ARHGAP15: variants seen among roughly 807,000 people sequenced by gnomAD.
ARHGAP15 encodes rho GTPase-activating protein 15.
ARHGAP15 carries 51 observed loss-of-function variants against 63.7 expected under a neutral mutation model. The ratio of observed to expected loss-of-function variants is 0.80; its 90% CI spans 0.64 to 1.01. The LOEUF is 1.01. ARHGAP15 is among the 50% of genes least tolerant of loss of function. The pLI is 0.00. For synonymous variants in ARHGAP15, 191 were observed against 193.8 expected (o/e 0.99, Z 0.12); for missense variants, 560 against 564.6 (o/e 0.99, Z 0.08).
At chr2:143,247,973 A>G (rs1020779305) in intron 5 of ARHGAP15, among the ~76,000 whole-genome samples, 27 of 152,248 alleles carry the variant, frequency 1.8e-4, no homozygotes, top group African/African-American at 5.3e-4. Context: ...TTCAGCAAAT[A>G]TTCATTGAAC....
chr2:143,166,968 A>G (rs982890506), intron 2 of ARHGAP15, among the ~76,000 whole-genome samples: 1 of 151,940 alleles, frequency 6.6e-6, no homozygotes, highest in African/African-American at 2.4e-5. Flanking sequence ...TCTTTTTTGA[A>G]TTTATGATAA....
chr2:143,230,294 T>C (rs143221069), intron 5 of ARHGAP15, among the ~76,000 whole-genome samples: 2 of 152,260 alleles, frequency 1.3e-5, no homozygotes, highest in Non-Finnish European at 2.9e-5. Flanking sequence ...AAGCATTTGG[T>C]TTATTTTTAT....
chr2:143,185,140 G>T (rs895114511), intron 2 of ARHGAP15, among the ~76,000 whole-genome samples: 2 of 152,106 alleles, frequency 1.3e-5, no homozygotes, highest in Non-Finnish European at 2.9e-5. Context: ...TTTGAAAAAT[G>T]AAATGAAACA....
At chr2:143,144,936 T>A in intron 1 of ARHGAP15, among the ~76,000 whole-genome samples, 1 of 152,044 alleles carries the variant, frequency 6.6e-6, no homozygotes, top group East Asian at 1.9e-4. Flanking sequence ...TAAAAATAAC[T>A]TTTTACAAAA....
At chr2:143,231,970 T>C (rs140128872) in intron 5 of ARHGAP15, among the ~76,000 whole-genome samples, 1 of 152,304 alleles carries the variant, frequency 6.6e-6, no homozygotes, top group African/African-American at 2.4e-5. Flanking sequence ...CCCTACCTCC[T>C]AATGGCATCA....
chr2:143,235,586 T>C (rs770534610), intron 5 of ARHGAP15, among the ~76,000 whole-genome samples: 8 of 152,216 alleles, frequency 5.3e-5, no homozygotes, highest in Non-Finnish European at 1.0e-4. Context: ...GCTATTGTTT[T>C]AACAAACATA....
At chr2:143,395,653 T>C (rs1371312312) in intron 6 of ARHGAP15, among the ~76,000 whole-genome samples, 5 of 152,026 alleles carry the variant, frequency 3.3e-5, no homozygotes, top group African/African-American at 1.2e-4. Flanking sequence ...GGAGAACAAG[T>C]AACCATGCAT....
chr2:143,672,990 TTG>T (rs1412079924), intron 12 of ARHGAP15, among the ~76,000 whole-genome samples: 7 of 152,052 alleles, frequency 4.6e-5, no homozygotes, highest in Admixed American at 3.9e-4. Flanking sequence ...AGCTATGAAA[TTG>T]GACACAATAT....
chr2:143,148,770 T>C (rs1021930142), intron 1 of ARHGAP15, among the ~76,000 whole-genome samples: 2 of 152,080 alleles, frequency 1.3e-5, no homozygotes, highest in Non-Finnish European at 2.9e-5. Flanking sequence ...ATATTTGACA[T>C]TTTTGAAACT....
chr2:143,218,354 C>G (rs1469589644), intron 4 of ARHGAP15, among the ~76,000 whole-genome samples: 1 of 123,482 alleles, frequency 8.1e-6, no homozygotes, highest in African/African-American at 3.1e-5. Flanking sequence ...TTATATCCTT[C>G]GGTTTGTGGC....
chr2:143,505,954 A>G (rs543741265), intron 9 of ARHGAP15, among the ~76,000 whole-genome samples: 4 of 152,322 alleles, frequency 2.6e-5, no homozygotes, highest in African/African-American at 7.2e-5. Flanking sequence ...CTTAAGACCC[A>G]AATGAAAGAG....
intron 3 of ARHGAP15, among the ~76,000 whole-genome samples, chr2:143,206,644 G>A (rs907013495): frequency 1.3e-5 from 2 of 151,972 alleles, no homozygotes; most frequent in Non-Finnish European, 2.9e-5. Context: ...TGAGCTATAA[G>A]CTATTTGAAG....
At chr2:143,572,769 G>T (rs770360825) in intron 11 of ARHGAP15, among the ~76,000 whole-genome samples, 1 of 151,934 alleles carries the variant, frequency 6.6e-6, no homozygotes, top group African/African-American at 2.4e-5. Flanking sequence ...CTAAATCCAC[G>T]CGTGATTTCT....
At chr2:143,171,047 C>A (rs1690757627) in intron 2 of ARHGAP15, among the ~76,000 whole-genome samples, 1 of 151,924 alleles carries the variant, frequency 6.6e-6, no homozygotes, top group Admixed American at 6.6e-5. Context: ...CCTGAAGACA[C>A]AGAGAGGGCA....
At chr2:143,406,967 A>G (rs1688223548) in intron 6 of ARHGAP15, among the ~76,000 whole-genome samples, 1 of 151,908 alleles carries the variant, frequency 6.6e-6, no homozygotes, top group African/African-American at 2.4e-5. Flanking sequence ...GAAGTGGTGG[A>G]TTTACTGTCC....
chr2:143,323,489 C>T (rs898900998), intron 6 of ARHGAP15, among the ~76,000 whole-genome samples: 7 of 152,156 alleles, frequency 4.6e-5, no homozygotes, highest in Non-Finnish European at 7.4e-5. Context: ...ATAAACACTT[C>T]GGACAGGGAT....
chr2:143,313,800 T>C (rs1055941524), intron 6 of ARHGAP15, among the ~76,000 whole-genome samples: 2 of 152,166 alleles, frequency 1.3e-5, no homozygotes. Context: ...TAATTAACCT[T>C]GATATCCTAG....
intron 6 of ARHGAP15, among the ~76,000 whole-genome samples, chr2:143,263,855 C>T (rs534668768): frequency 7.2e-6 from 1 of 139,494 alleles, no homozygotes; most frequent in African/African-American, 2.6e-5. Context: ...GAGGATTTCT[C>T]TTCACCACAG....
At chr2:143,397,316 A>ATGTATGTGTGTG (rs143187201) in intron 6 of ARHGAP15, among the ~76,000 whole-genome samples, 4 of 147,624 alleles carry the variant, frequency 2.7e-5, no homozygotes, top group African/African-American at 7.6e-5. Context: ...TGAGATATGT[A>ATGTATGTGTGTG]TGTGTGTGTG....
Sources: allele counts gnomAD v4.1 joint callset (sites outside exome capture counted in the v4.1 genomes callset), GRCh38; gene constraint gnomAD v4.1.1; transcripts MANE v1.5; gene names NCBI Gene and HGNC (gene_info 2026-07-23, HGNC 2026-07-21).